Variants in SCARF1 observed in about 807,000 individuals in gnomAD.
SCARF1 encodes scavenger receptor class F member 1, also known as acetyl LDL receptor.
Under a neutral mutation model 76.3 loss-of-function variants are expected in SCARF1, and 49 were observed. The observed-to-expected ratio is 0.64, with a 90% confidence interval of 0.51 to 0.81. The LOEUF is 0.81. Among genes scored for constraint, SCARF1 ranks in the 40% least tolerant of loss-of-function variants. SCARF1 has a pLI of 0.00. For synonymous variants in SCARF1, 495 were observed against 474.6 expected, an observed-to-expected ratio of 1.04 and a Z score of -0.56; for missense variants, 1,098 against 1,143.9, an observed-to-expected ratio of 0.96 and a Z score of 0.58.
Position 1,634,613 on chromosome 17 carries a change from G to A in SCARF1, c.*145C>T, listed in dbSNP as rs1279868241. The A allele has an allele frequency of 2.5e-6, 3 of 1,178,670 alleles. No homozygotes were observed. The highest frequency in any genetic ancestry group is 1.5e-5 in the African/African-American group (1 of 64,828). The allele number at this position is 1,178,670 out of a possible 1,614,324, so 73.0% of individuals were successfully genotyped here. A position where few individuals can be genotyped will look rare whatever the true frequency, so the allele number is the denominator to read the frequency against. ...GGCCCCTCCGGGAGCACTGCCAGGG[G>A]CCTGGGCCAACTGGCCTGGAAGCCT... is the stretch of plus-strand genomic sequence containing the variant. On this transcript the variant is annotated 3_prime_UTR_variant, in exon 11 of 11. Transcript: ENST00000263071.
rs1910458124 is a variant in SCARF1 at position 1,645,445 on chromosome 17, A to G, written c.101+152T>C. On this transcript the variant is annotated intron_variant, in intron 1 of 10. Transcript: ENST00000263071. This position sits in a 1 kb window ranked among gnomAD's most constrained non-coding sequence, Gnocchi z 6.3. ...CTGCCCTGGCTGGCCACTACCTGCC[A>G]GACCGCCATCAGCAGTCCCTTCCTT... 6.6e-7 allele frequency: 1 copy of G among 1,507,502 alleles called. No homozygotes were observed. The highest frequency in any genetic ancestry group is 2.1e-5 in the Admixed American group (1 of 46,572). The allele number at this position is 1,507,502 out of a possible 1,614,324, so 93.4% of individuals were successfully genotyped here. A position where few individuals can be genotyped will look rare whatever the true frequency, so the allele number is the denominator to read the frequency against.
At chr17:1,637,832 C>T (rs1015989460) in intron 8 of SCARF1, among the ~76,000 whole-genome samples, 1 of 152,154 alleles carries the variant, frequency 6.6e-6, no homozygotes, top group African/African-American at 2.4e-5. Context: ...CTGCTCTACC[C>T]CCACATGTGG....
chr17:1,637,312 A>G (rs1909653399), intron 8 of SCARF1, among the ~76,000 whole-genome samples: 1 of 151,736 alleles, frequency 6.6e-6, no homozygotes, highest in African/African-American at 2.4e-5. Context: ...CAGTTTCCGC[A>G]TCTGTAAAAC....
rs1909476097 is a variant in SCARF1 at position 1,635,487 on chromosome 17, T to C, written c.1764A>G (p.Pro588=). Residue 588 remains proline (P), a synonymous_variant, in exon 11 of 11, where the codon CCA becomes CCG. Transcript: ENST00000263071. ...TGGTACCTTCCGCGAAGGAGACCGA[T>C]GGCCGCTTGGCCCGAGCTAGGCTGG... ...RTSSLARAKR[P]SVSFAEGTKF... 1.2e-6 allele frequency: 2 copies of C among 1,613,964 alleles called. No individual in the cohort carries two copies. Among genetic ancestry groups the C allele is most frequent in the East Asian group, 2.2e-5 (1 of 44,880 alleles).
At position 1,641,911 on chromosome 17, in the gene SCARF1, G is replaced by C. The variant is rs370977476; in HGVS notation, c.792-1245C>G. Among the ~76,000 whole-genome samples the C allele has an allele frequency of 1.1e-4, 17 of 152,058 alleles. No individual in the cohort carries two copies. The East Asian group carries it at 2.3e-3, about 21-fold the overall frequency. ...TAATTTTTGTATTTTTAGTAGAGAC[G>C]AGGTTTCACCATGTTAGCCAGGCTG... On this transcript the variant is annotated intron_variant, in intron 4 of 10. Transcript: ENST00000263071.
intron 7 of SCARF1, 76 bp downstream of exon 7, chr17:1,639,563 G>A: frequency 1.0e-6 from 1 of 989,558 alleles, no homozygotes; most frequent in Non-Finnish European, 1.6e-6. Context: ...TCCCTGGTGA[G>A]GAACTTGCCC....
At chr17:1,639,822 G>T in intron 6 of SCARF1, 80 bp from the exon 7 acceptor site, 1 of 1,608,418 alleles carries the variant, frequency 6.2e-7, no homozygotes, top group Non-Finnish European at 8.5e-7. Flanking sequence ...GGAGATTTCT[G>T]GGCACTGTCC....
In SCARF1 at chr17:1,644,804, C is replaced by T. The variant is rs574772366; in HGVS notation, c.265+30G>A. On this transcript the variant is annotated intron_variant, in intron 3 of 10. Coordinates refer to ENST00000263071, the MANE Select transcript of SCARF1 (RefSeq NM_003693.4). The surrounding 1 kb of genome is among the most constrained non-coding windows in gnomAD (Gnocchi z 4.8). ...CACTGCCCCCGTACCCAGCTCTGCCCAGCAACTTCATCTGGCCCTTGAGAC... is the reference window on the plus strand; with the variant it reads ...CACTGCCCCCGTACCCAGCTCTGCCTAGCAACTTCATCTGGCCCTTGAGAC... 3 of 1,598,348 alleles carry T rather than the reference C, an allele frequency of 1.9e-6. No homozygotes were observed. The highest frequency in any genetic ancestry group is 2.6e-6 in the Non-Finnish European group (3 of 1,172,688).
Position 1,635,617 on chromosome 17 carries a change from C to T in SCARF1, c.1634G>A (p.Gly545Glu). The T allele has an allele frequency of 6.3e-7, 1 of 1,598,808 alleles. No homozygotes were observed. Among genetic ancestry groups the T allele is most frequent in the East Asian group, 2.2e-5 (1 of 44,856 alleles). The change falls in exon 11 of 11, where the codon GGG (glycine) becomes GAG (glutamate). Residue 545 changes from glycine (G) to glutamate (E), a missense_variant and splice_region_variant. Physicochemically the swap from Gly to Glu is moderately conservative, Grantham distance 98. Coordinates refer to ENST00000263071, the MANE Select transcript of SCARF1 (RefSeq NM_003693.4). ...VPAYCVPPQE[G>E]MVPVAQAGSS... is the part of the protein sequence containing the mutation. ...CCCTGCCTGGGCCACAGGGACCATC[C>T]CTGGCAGAGGAGACAGAAGAGCTTG... is the stretch of plus-strand genomic sequence containing the variant.
At position 1,640,038 on chromosome 17, in the gene SCARF1, C is replaced by T. The variant is rs147464381; in HGVS notation, c.1013G>A (p.Cys338Tyr). The T allele has an allele frequency of 1.9e-6, 3 of 1,613,386 alleles. No individual in the cohort carries two copies. The highest frequency in any genetic ancestry group is 1.3e-5 in the African/African-American group (1 of 75,058). ...RCDPGWLGPR[C>Y]EDPCPTGTFG... ...GGTACCAGTGGGGCAGGGGTCTTCA[C>T]ACCTGGGGTGAGGCAAGACTCGGGG... The change falls in exon 6 of 11, where the codon TGT (cysteine) becomes TAT (tyrosine). Residue 338 changes from cysteine to tyrosine, a missense_variant and splice_region_variant. Physicochemically the swap from Cys to Tyr is radical, Grantham distance 194 (BLOSUM62 -2). Transcript: ENST00000263071. This position sits in a 1 kb window ranked among gnomAD's most constrained non-coding sequence, Gnocchi z 4.7.
At position 1,644,847 on chromosome 17, in the gene SCARF1, G is replaced by A. The variant is rs200727246; in HGVS notation, c.252C>T (p.Ala84=). Residue 84 remains alanine, a synonymous_variant, in exon 3 of 11, where the codon GCC becomes GCT. Coordinates refer to ENST00000263071, the MANE Select transcript of SCARF1 (RefSeq NM_003693.4). This position sits in a 1 kb window ranked among gnomAD's most constrained non-coding sequence, Gnocchi z 4.8. ...LCRCKPGFFG[A]HCSSRCPGQY... The stretch of plus-strand genomic sequence containing the variant: ...CTTGAGACTCACGGGAGCTGCAGTG[G>A]GCCCCAAAGAATCCAGGCTTGCATC... The A allele has an allele frequency of 9.2e-5, 149 of 1,613,014 alleles. 1 individual carries two copies. In the East Asian group the frequency reaches 1.9e-3, roughly 20 times the overall value.
chr17:1,638,754 G>A, intron 8 of SCARF1, 52 bp downstream of exon 8: 1 of 1,512,714 alleles, frequency 6.6e-7, no homozygotes, highest in Non-Finnish European at 8.9e-7. Flanking sequence ...ATGCCCCCCT[G>A]CTCCCACCCT....
At position 1,645,471 on chromosome 17, in the gene SCARF1, T is replaced by A; in HGVS notation, c.101+126A>T. 2 of 1,525,524 alleles carry A rather than the reference T, an allele frequency of 1.3e-6. No homozygotes were observed. The highest frequency in any genetic ancestry group is 1.8e-6 in the Non-Finnish European group (2 of 1,142,708). The allele number at this position is 1,525,524 out of a possible 1,614,324, so 94.5% of individuals were successfully genotyped here. ...GACCGCCATCAGCAGTCCCTTCCTT[T>A]CAGCCTAAGCCCCCTTCCTAGTCTC... On this transcript the variant is annotated intron_variant, in intron 1 of 10. Coordinates refer to ENST00000263071, the MANE Select transcript of SCARF1 (RefSeq NM_003693.4). The surrounding 1 kb of genome is among the most constrained non-coding windows in gnomAD (Gnocchi z 6.3).
At chr17:1,642,186 A>T (rs141890939) in intron 4 of SCARF1, among the ~76,000 whole-genome samples, 2,261 of 141,734 alleles carry the variant, frequency 0.016, 46 homozygotes, top group African/African-American at 0.044. Context: ...ATTTATATAT[A>T]TTTTTTTATT....
At chr17:1,642,192 T>C (rs1171062175) in intron 4 of SCARF1, among the ~76,000 whole-genome samples, 1 of 151,528 alleles carries the variant, frequency 6.6e-6, no homozygotes, top group Non-Finnish European at 1.5e-5. Flanking sequence ...ATATATTTTT[T>C]TATTATTATA....
In SCARF1 at chr17:1,645,413, C is replaced by G. The variant is rs1427473157; in HGVS notation, c.102-174G>C. 6.9e-7 allele frequency: 1 copy of G among 1,441,138 alleles called. No homozygotes were observed. The allele number at this position is 1,441,138 out of a possible 1,614,324, so 89.3% of individuals were successfully genotyped here. A position where few individuals can be genotyped will look rare whatever the true frequency, so the allele number is the denominator to read the frequency against. Reference sequence around the variant, plus strand: ...CCTCCCCTCTCCTTCCCTGACCCTTCCACCATCTGCCCTGGCTGGCCACTA... The same window carrying G: ...CCTCCCCTCTCCTTCCCTGACCCTTGCACCATCTGCCCTGGCTGGCCACTA... On this transcript the variant is annotated intron_variant, in intron 1 of 10. Transcript: ENST00000263071. The surrounding 1 kb of genome is among the most constrained non-coding windows in gnomAD (Gnocchi z 6.3).
Position 1,643,622 on chromosome 17 carries a change from TCCTGCTCG to T in SCARF1, c.603_610del (p.Cys201Ter), listed in dbSNP as rs1419868753. 1.8e-5 allele frequency: 26 copies of T among 1,471,304 alleles called. No individual in the cohort carries two copies. Among genetic ancestry groups the T allele is most frequent in the Non-Finnish European group, 2.3e-5 (26 of 1,118,988 alleles). 91.1% of individuals were successfully genotyped at this position (1,471,304 alleles called of 1,614,324 possible). A position where few individuals can be genotyped will look rare whatever the true frequency, so the allele number is the denominator to read the frequency against. On this transcript the variant is annotated stop_gained and frameshift_variant, in exon 4 of 11. Transcript: ENST00000263071. LOFTEE classifies it high-confidence loss of function. ...CGGCCGGCAGGCGCAGCGGCCGGAGTCCTGCTCGCACGGGGAGCCGTGGCAGTTGCAGC... is the reference window on the plus strand; with the variant it reads ...CGGCCGGCAGGCGCAGCGGCCGGAGTCACGGGGAGCCGTGGCAGTTGCAGC...
At chr17:1,638,108 A>G (rs944268036) in intron 8 of SCARF1, 10 of 152,180 alleles carry the variant, frequency 6.6e-5, no homozygotes, top group Admixed American at 5.2e-4. Context: ...TTGGGCCTCA[A>G]TGTCCTCTGG....
In SCARF1 at chr17:1,643,295, G is replaced by GC. The variant is rs1412180056; in HGVS notation, c.791+146dup. 5 of 57,206 alleles carry GC rather than the reference G, an allele frequency of 8.7e-5. 1 individual carries two copies. The East Asian group carries it at 2.3e-3, about 26-fold the overall frequency. The allele number at this position is 57,206 out of a possible 1,614,324, so 3.5% of individuals were successfully genotyped here. A position where few individuals can be genotyped will look rare whatever the true frequency, so the allele number is the denominator to read the frequency against. On this transcript the variant is annotated intron_variant, in intron 4 of 10. Transcript: ENST00000263071. ...GTGCCCGCCCCGCCCACCGGTGTCCGCCCCGCCCACCGGTGTCCGCCCCGC... is the reference window on the plus strand; with the variant it reads ...GTGCCCGCCCCGCCCACCGGTGTCCGCCCCCGCCCACCGGTGTCCGCCCCGC...
Sources: allele counts gnomAD v4.1 joint callset (sites outside exome capture counted in the v4.1 genomes callset), GRCh38; gene constraint gnomAD v4.1.1; non-coding constraint Gnocchi (gnomAD v3.1); transcripts MANE v1.5; gene names NCBI Gene and HGNC (gene_info 2026-07-23, HGNC 2026-07-21).